The following DGKG variants were observed in gnomAD, a reference collection of about 807,000 sequenced individuals.
DGKG encodes the protein diacylglycerol kinase gamma.
Under a neutral mutation model 105.3 loss-of-function variants are expected in DGKG, and 78 were observed. That is an observed-to-expected ratio of 0.74 (90% CI 0.62 to 0.89). DGKG has a LOEUF of 0.89. DGKG is among the 40% of genes least tolerant of loss of function. DGKG has a pLI of 0.00. For missense variants in DGKG, 958 were observed against 1,020.1 expected (o/e 0.94, Z 0.83); for synonymous variants, 346 against 367.1 (o/e 0.94, Z 0.66).
Position 186,284,558 on chromosome 3 carries a change from C to A in DGKG, c.594+102G>T. 9.7e-7 allele frequency: 1 copy of A among 1,029,138 alleles called. No homozygotes were observed. Among genetic ancestry groups the A allele is most frequent in the South Asian group, 1.3e-5 (1 of 75,088 alleles). The allele number at this position is 1,029,138 out of a possible 1,614,324, so 63.8% of individuals were successfully genotyped here. Reference sequence around the variant, plus strand: ...AGCCTGCATCGAGACATTGCTATTACTACAAAGACGGAACTGAACATTTTC... The same window carrying A: ...AGCCTGCATCGAGACATTGCTATTAATACAAAGACGGAACTGAACATTTTC... On this transcript the variant is annotated intron_variant, in intron 7 of 24. Transcript: ENST00000265022. This position sits in a 1 kb window ranked among gnomAD's most constrained non-coding sequence, Gnocchi z 4.0.
chr3:186,306,838 CA>C, intron 3 of DGKG, 62 bp downstream of exon 3: 2 of 1,200,986 alleles, frequency 1.7e-6, no homozygotes, highest in Non-Finnish European at 1.2e-6. Context: ...AAGAGGGAAA[CA>C]AATTATGGAA....
At chr3:186,359,182 G>T (rs571441329) in intron 1 of DGKG, among the ~76,000 whole-genome samples, 2 of 152,216 alleles carry the variant, frequency 1.3e-5, no homozygotes, top group Admixed American at 6.5e-5. Flanking sequence ...TCTGGTGAAT[G>T]GAATCCTAAA....
chr3:186,280,117 T>TG (rs1441286800), intron 8 of DGKG, 144 bp from the exon 9 acceptor site: 13 of 1,106,272 alleles, frequency 1.2e-5, no homozygotes, highest in Non-Finnish European at 1.7e-5. Context: ...TAGAGCAGAC[T>TG]GGGAGTGAGG....
intron 22 of DGKG, among the ~76,000 whole-genome samples, chr3:186,178,593 G>A (rs1312429549): frequency 6.6e-6 from 1 of 152,204 alleles, no homozygotes; most frequent in Admixed American, 6.5e-5. Context: ...TTTTTCCTCT[G>A]CAGATGCTGA....
At chr3:186,289,263 G>T (rs1051967329) in intron 5 of DGKG, among the ~76,000 whole-genome samples, 2 of 152,042 alleles carry the variant, frequency 1.3e-5, no homozygotes, top group Non-Finnish European at 2.9e-5. Flanking sequence ...AATGGTAAAT[G>T]GCCAACAGTC....
chr3:186,291,961 G>A (rs2108607018), intron 5 of DGKG, among the ~76,000 whole-genome samples: 1 of 152,244 alleles, frequency 6.6e-6, no homozygotes, highest in Non-Finnish European at 1.5e-5. Flanking sequence ...GCTCACTCCT[G>A]TCATAGAGAT....
At chr3:186,268,752 G>T in intron 12 of DGKG, 49 bp downstream of exon 12, 2 of 1,372,210 alleles carry the variant, frequency 1.5e-6, no homozygotes, top group African/African-American at 1.4e-5. Context: ...CTGCAGCTTG[G>T]GCAAAAAAAC....
Position 186,284,598 on chromosome 3 carries a change from C to T in DGKG, c.594+62G>A. On this transcript the variant is annotated intron_variant, in intron 7 of 24. Transcript: ENST00000265022. The surrounding 1 kb of genome is among the most constrained non-coding windows in gnomAD (Gnocchi z 4.0). ...TGAACATTTTCAGATTCTTCCTCTG[C>T]TTGCTCCCTGCTCCCCCAGCCTTTC... 7.2e-7 allele frequency: 1 copy of T among 1,382,050 alleles called. No homozygotes were observed. Among genetic ancestry groups the T allele is most frequent in the Non-Finnish European group, 1.0e-6 (1 of 969,678 alleles). 85.6% of individuals were successfully genotyped at this position (1,382,050 alleles called of 1,614,324 possible). A position where few individuals can be genotyped will look rare whatever the true frequency, so the allele number is the denominator to read the frequency against.
chr3:186,235,727 AT>A (rs1461090842), intron 20 of DGKG, among the ~76,000 whole-genome samples: 2 of 151,916 alleles, frequency 1.3e-5, no homozygotes, highest in East Asian at 1.9e-4. Context: ...GTCGGTTTCT[AT>A]TTTGTTCCCC....
intron 1 of DGKG, among the ~76,000 whole-genome samples, chr3:186,335,829 A>C (rs941746456): frequency 6.6e-6 from 1 of 152,232 alleles, no homozygotes; most frequent in African/African-American, 2.4e-5. Flanking sequence ...TTCACCTCCC[A>C]GGACATTTGT....
chr3:186,204,833 T>C (rs55720345), intron 21 of DGKG, among the ~76,000 whole-genome samples: 2,224 of 152,268 alleles, frequency 0.015, 18 homozygotes, highest in Non-Finnish European at 0.021. Context: ...CGGATTGGCG[T>C]GTATTGCTGA....
At chr3:186,177,905 C>G (rs1717161904) in intron 22 of DGKG, among the ~76,000 whole-genome samples, 1 of 152,214 alleles carries the variant, frequency 6.6e-6, no homozygotes, top group Non-Finnish European at 1.5e-5. Context: ...TCCCCTCCCC[C>G]CATATTCATA....
chr3:186,254,712 A>G (rs1302352009), intron 17 of DGKG, among the ~76,000 whole-genome samples: 1 of 151,806 alleles, frequency 6.6e-6, no homozygotes, highest in African/African-American at 2.4e-5. Flanking sequence ...TCCCACTGGT[A>G]TCGCTGCAAC....
intron 5 of DGKG, among the ~76,000 whole-genome samples, chr3:186,296,233 C>T (rs867707475): frequency 8.5e-5 from 13 of 152,108 alleles, no homozygotes; most frequent in African/African-American, 3.1e-4. Flanking sequence ...ACATATCTAA[C>T]TCACTTAACC....
intron 11 of DGKG, among the ~76,000 whole-genome samples, chr3:186,271,014 G>A (rs1347708032): frequency 4.6e-5 from 7 of 152,326 alleles, no homozygotes; most frequent in South Asian, 2.1e-4. Context: ...TGCAGAAGGC[G>A]TGGACGAGAG....
At position 186,330,828 on chromosome 3, in the gene DGKG, G is replaced by T. The variant is rs575768975; in HGVS notation, c.-248-10121C>A. 4.6e-5 allele frequency among the ~76,000 whole-genome samples: 7 copies of T among 152,280 alleles called. 1 individual carries two copies. In the East Asian group the frequency reaches 9.6e-4, roughly 21 times the overall value. ...CGTGGAGCAGAGATAACCCATCCCCGCTCAGCCTGGTCTGGATTCCCAATG... is the reference window on the plus strand; with the variant it reads ...CGTGGAGCAGAGATAACCCATCCCCTCTCAGCCTGGTCTGGATTCCCAATG... On this transcript the variant is annotated intron_variant, in intron 1 of 24. Transcript: ENST00000265022.
At position 186,268,808 on chromosome 3, in the gene DGKG, C is replaced by T. The variant is rs148805735; in HGVS notation, c.1109G>A (p.Arg370Gln). The change falls in exon 12 of 25, where the codon CGG (arginine) becomes CAG (glutamine). Residue 370 changes from arginine to glutamine, a missense_variant. Physicochemically the swap from Arg to Gln is conservative, Grantham distance 43. Around this residue, in one of 2 missense-constraint regions of DGKG, gnomAD observed 643 missense variants for 619.5 expected, o/e 1.04. Transcript: ENST00000265022. The stretch of plus-strand genomic sequence containing the variant: ...CCCTGGGCGCCAACCCACCGTCATC[C>T]GGCACCACACGCAGTGCCGCGCGGT... ...SVTARHCVWC[R>Q]MTFHRKCELS... 40 of 1,611,148 alleles carry T rather than the reference C, an allele frequency of 2.5e-5. No homozygotes were observed. Among genetic ancestry groups the T allele is most frequent in the East Asian group, 8.9e-5 (4 of 44,862 alleles).
At chr3:186,255,984 T>C (rs375514149) in intron 17 of DGKG, among the ~76,000 whole-genome samples, 1 of 152,200 alleles carries the variant, frequency 6.6e-6, no homozygotes, top group South Asian at 2.1e-4. Flanking sequence ...TTGAGCAGCT[T>C]CTATCACCTG....
At chr3:186,325,174 GTGGGAGCTAAACAT>G (rs1725276074) in intron 1 of DGKG, among the ~76,000 whole-genome samples, 1 of 152,176 alleles carries the variant, frequency 6.6e-6, no homozygotes, top group Non-Finnish European at 1.5e-5. Flanking sequence ...TTACTTATAA[GTGGGAGCTAAACAT>G]TGGGAACATA....
Sources: allele counts gnomAD v4.1 joint callset (sites outside exome capture counted in the v4.1 genomes callset), GRCh38; gene constraint gnomAD v4.1.1; regional missense constraint gnomAD v4.1.1; non-coding constraint Gnocchi (gnomAD v3.1); transcripts MANE v1.5; gene names NCBI Gene and HGNC (gene_info 2026-07-23, HGNC 2026-07-21).